IPP: variants seen among roughly 807,000 people sequenced by gnomAD.
IPP encodes actin-binding protein IPP.
IPP carries 41 observed loss-of-function variants against 64.1 expected under a neutral mutation model. That is an observed-to-expected ratio of 0.64 (90% CI 0.50 to 0.83). The LOEUF (loss-of-function observed/expected upper bound fraction) is 0.83, where lower values mean the gene tolerates loss of function less well. IPP is among the 40% of genes least tolerant of loss of function. The probability of loss-of-function intolerance (pLI) is 0.00; values close to 1 mark genes in which losing one functional copy is unlikely to be tolerated. For synonymous variants in IPP, 214 were observed against 235.2 expected (o/e 0.91, Z 0.83); for missense variants, 649 against 703.0 (o/e 0.92, Z 0.87).
chr1:45,713,931 G>A (rs1645624347), intron 8 of IPP, among the ~76,000 whole-genome samples: 1 of 151,804 alleles, frequency 6.6e-6, no homozygotes, highest in African/African-American at 2.4e-5. Flanking sequence ...TTATATCAGT[G>A]CACTCCAGCT....
chr1:45,748,157 T>C (rs1451665302), intron 1 of IPP, among the ~76,000 whole-genome samples: 1 of 152,166 alleles, frequency 6.6e-6, no homozygotes, highest in Non-Finnish European at 1.5e-5. Flanking sequence ...ATATTACATA[T>C]AACTAGCATA....
intron 8 of IPP, among the ~76,000 whole-genome samples, chr1:45,709,676 A>G (rs1317678011): frequency 1.5e-5 from 2 of 136,310 alleles, no homozygotes; most frequent in African/African-American, 5.5e-5. Flanking sequence ...AATACAAAAA[A>G]ATTAGCTGGG....
chr1:45,723,197 A>C (rs1645756693), intron 5 of IPP, among the ~76,000 whole-genome samples: 2 of 152,232 alleles, frequency 1.3e-5, no homozygotes. Flanking sequence ...ACTAAACCAA[A>C]ATGTTAACTG....
chr1:45,737,079 C>T (rs1283007282), intron 3 of IPP, among the ~76,000 whole-genome samples: 2 of 145,642 alleles, frequency 1.4e-5, no homozygotes, highest in East Asian at 4.1e-4. Flanking sequence ...TGTAGGAAAA[C>T]ATGTCCCATT....
downstream of IPP, chr1:45,694,464 A>G (rs759708698): frequency 1.3e-5 from 20 of 1,545,182 alleles, no homozygotes; most frequent in African/African-American, 2.6e-4. Flanking sequence ...ATCATTGAAA[A>G]GAATGCACAT....
At chr1:45,745,156 C>G (rs1646118229) in intron 2 of IPP, among the ~76,000 whole-genome samples, 1 of 152,148 alleles carries the variant, frequency 6.6e-6, no homozygotes, top group Non-Finnish European at 1.5e-5. Flanking sequence ...ACATTGGCCT[C>G]CCGAAGTGCT....
intron 3 of IPP, among the ~76,000 whole-genome samples, chr1:45,730,041 AT>A (rs2148571656): frequency 6.6e-6 from 1 of 152,330 alleles, no homozygotes; most frequent in Non-Finnish European, 1.5e-5. Context: ...GCTTCACAGT[AT>A]CCCCCCATGC....
intron 3 of IPP, among the ~76,000 whole-genome samples, chr1:45,730,368 A>AG (rs890153884): frequency 1.3e-5 from 2 of 152,164 alleles, no homozygotes; most frequent in African/African-American, 4.8e-5. Flanking sequence ...AAAAAAAAAA[A>AG]AAGAAGAATT....
chr1:45,701,225 A>G lies in IPP; in HGVS notation c.1531-1035T>C, dbSNP rs79802290. On this transcript the variant is annotated intron_variant, in intron 8 of 8. Coordinates refer to ENST00000396478, the MANE Select transcript of IPP (RefSeq NM_005897.3). ...AAAAGTTTGCTAACTCCTGTTATAC[A>G]TCATTCCCTGAAGAAATTTCAATGT... 5.5e-4 allele frequency among the ~76,000 whole-genome samples: 84 copies of G among 152,376 alleles called. No individual in the cohort carries two copies. The East Asian group carries it at 0.013, about 24-fold the overall frequency.
Position 45,724,927 on chromosome 1 carries a change from G to A in IPP, c.1048+2704C>T, listed in dbSNP as rs1483645853. Among the ~76,000 whole-genome samples, 5 of 146,222 alleles carry A rather than the reference G, an allele frequency of 3.4e-5. No homozygotes were observed. The South Asian group carries it at 6.6e-4, about 19-fold the overall frequency. On this transcript the variant is annotated intron_variant, in intron 5 of 8. Transcript: ENST00000396478. ...CCCCGCCCGGCCAGCCGCCCCGTCC[G>A]GGAGGTGAGGGGCTCCTCTGCCCGG...
intron 8 of IPP, among the ~76,000 whole-genome samples, chr1:45,710,424 G>A (rs1415948828): frequency 3.2e-5 from 3 of 93,438 alleles, no homozygotes; most frequent in Admixed American, 1.2e-4. Context: ...AGATCACGAG[G>A]TCAGGAGATC....
chr1:45,695,822 A>G (rs1480458520), downstream of IPP, among the ~76,000 whole-genome samples: 4 of 152,148 alleles, frequency 2.6e-5, no homozygotes, highest in Non-Finnish European at 5.9e-5. Flanking sequence ...GGCATGCGCC[A>G]CCATGCCCAG....
Position 45,719,206 on chromosome 1 carries a change from A to G in IPP, c.1183T>C (p.Leu395=). The change falls in exon 6 of 9, where the codon TTG becomes CTG. Residue 395 remains leucine (L), a synonymous_variant. Transcript: ENST00000396478. ...VCVCYGAIYA[L]GGWVGAEIGN... ...TTAAACTGAACAACATAATTACCCA[A>G]AGCATAGATAGCCCCATAACACACA... is the stretch of plus-strand genomic sequence containing the variant. 1 of 1,613,978 alleles carries G rather than the reference A, an allele frequency of 6.2e-7. No homozygotes were observed. The highest frequency in any genetic ancestry group is 1.6e-4 in the Middle Eastern group (1 of 6,062).
chr1:45,701,445 G>A (rs922094634), intron 8 of IPP, among the ~76,000 whole-genome samples: 5 of 152,124 alleles, frequency 3.3e-5, no homozygotes, highest in East Asian at 1.9e-4. Flanking sequence ...CCGCCACCAC[G>A]CCTGGCTAAT....
chr1:45,748,700 G>C (rs1347241704), intron 1 of IPP, among the ~76,000 whole-genome samples: 1 of 151,838 alleles, frequency 6.6e-6, no homozygotes, highest in East Asian at 1.9e-4. Flanking sequence ...AAGCAGGTGC[G>C]GTGACTCACG....
At chr1:45,730,807 C>T (rs1350268548) in intron 3 of IPP, among the ~76,000 whole-genome samples, 3 of 152,192 alleles carry the variant, frequency 2.0e-5, no homozygotes, top group African/African-American at 7.2e-5. Context: ...AAATGGTCAA[C>T]TAACAAAATC....
intron 7 of IPP, among the ~76,000 whole-genome samples, chr1:45,715,677 T>C (rs964865906): frequency 4.0e-5 from 6 of 151,592 alleles, no homozygotes; most frequent in African/African-American, 1.2e-4. Flanking sequence ...AATATTAGTA[T>C]AGTAAACTTG....
intron 2 of IPP, among the ~76,000 whole-genome samples, chr1:45,744,917 C>T (rs1646114876): frequency 1.3e-5 from 2 of 151,448 alleles, no homozygotes; most frequent in South Asian, 2.1e-4. Flanking sequence ...TTACATTAGT[C>T]AGGCATGGTG....
rs1377969585 is a variant in IPP at position 45,698,723 on chromosome 1, T to TC, written c.*1242_*1243insG. On this transcript the variant is annotated 3_prime_UTR_variant, in exon 9 of 9. Transcript: ENST00000396478. The stretch of plus-strand genomic sequence containing the variant: ...AAAGGAAGAATTTTTTTTTCTTTTT[T>TC]TTTTTTTTTTTTTGAGACAGGTTCT... 1.1e-4 allele frequency: 44 copies of TC among 413,440 alleles called. No homozygotes were observed. Among genetic ancestry groups the TC allele is most frequent in the Non-Finnish European group, 1.2e-4 (40 of 342,248 alleles). The allele number at this position is 413,440 out of a possible 1,614,324, so 25.6% of individuals were successfully genotyped here. A position where few individuals can be genotyped will look rare whatever the true frequency, so the allele number is the denominator to read the frequency against.
Sources: allele counts gnomAD v4.1 joint callset (sites outside exome capture counted in the v4.1 genomes callset), GRCh38; gene constraint gnomAD v4.1.1; transcripts MANE v1.5; gene names NCBI Gene and HGNC (gene_info 2026-07-23, HGNC 2026-07-21).